SPAG16: variants seen among roughly 807,000 people sequenced by gnomAD.
SPAG16 encodes the protein sperm-associated antigen 16 protein.
Under a neutral mutation model 80.4 loss-of-function variants are expected in SPAG16, and 86 were observed. That is an observed-to-expected ratio of 1.07 (90% CI 0.90 to 1.28). The LOEUF (loss-of-function observed/expected upper bound fraction) is 1.28. Ranked by LOEUF, SPAG16 falls within the 50% of genes most tolerant of loss-of-function variation. The probability of loss-of-function intolerance (pLI) is 0.00; values close to 1 mark genes in which losing one functional copy is unlikely to be tolerated. For missense variants in SPAG16, 870 were observed against 765.3 expected (o/e 1.14, Z -1.61); for synonymous variants, 294 against 265.9 (o/e 1.11, Z -1.03).
intron 15 of SPAG16, among the ~76,000 whole-genome samples, chr2:214,352,233 A>T (rs528773204): frequency 2.0e-5 from 3 of 152,306 alleles, no homozygotes; most frequent in Non-Finnish European, 4.4e-5. Flanking sequence ...AGAGTATAGC[A>T]ATGAGTTAGT....
chr2:213,721,680 T>G (rs559272138), intron 10 of SPAG16, among the ~76,000 whole-genome samples: 1 of 152,050 alleles, frequency 6.6e-6, no homozygotes, highest in Non-Finnish European at 1.5e-5. Flanking sequence ...ATGTGTATTT[T>G]GTTCTCAGCA....
At chr2:213,869,263 AAAT>A (rs1280296798) in intron 11 of SPAG16, among the ~76,000 whole-genome samples, 15 of 24,378 alleles carry the variant, frequency 6.2e-4, no homozygotes, top group African/African-American at 8.6e-4. Context: ...CAAAAAAAAA[AAAT>A]ATATATATAT....
intron 13 of SPAG16, among the ~76,000 whole-genome samples, chr2:214,078,592 T>G (rs2051203602): frequency 6.6e-6 from 1 of 151,996 alleles, no homozygotes; most frequent in Admixed American, 6.6e-5. Context: ...TGTCTCTTAA[T>G]TGCAATTATC....
chr2:213,983,129 A>G (rs1229343911), intron 12 of SPAG16, among the ~76,000 whole-genome samples: 3 of 151,974 alleles, frequency 2.0e-5, no homozygotes, highest in African/African-American at 7.2e-5. Context: ...AAATTTTAAT[A>G]AAGGGATAAG....
At chr2:213,442,689 A>G (rs974304799) in intron 9 of SPAG16, among the ~76,000 whole-genome samples, 1 of 152,238 alleles carries the variant, frequency 6.6e-6, no homozygotes. Context: ...ATTTTCAAGA[A>G]AGGCTGCTGG....
At chr2:214,030,224 A>T (rs1260833214) in intron 13 of SPAG16, among the ~76,000 whole-genome samples, 1 of 152,180 alleles carries the variant, frequency 6.6e-6, no homozygotes, top group East Asian at 1.9e-4. Context: ...GGAATCACAC[A>T]GTATTTGCCT....
At chr2:214,108,298 T>C (rs1287249383) in intron 14 of SPAG16, 37 bp downstream of exon 14, 3 of 1,485,142 alleles carry the variant, frequency 2.0e-6, no homozygotes, top group African/African-American at 1.4e-5. Flanking sequence ...TTTTTAATGC[T>C]TCATATATAC....
At chr2:213,372,268 A>G (rs1236295482) in intron 8 of SPAG16, among the ~76,000 whole-genome samples, 1 of 152,106 alleles carries the variant, frequency 6.6e-6, no homozygotes, top group East Asian at 1.9e-4. Flanking sequence ...AATGATACAT[A>G]TAATTGCATT....
chr2:213,588,433 C>T (rs1213327404), intron 10 of SPAG16, among the ~76,000 whole-genome samples: 1 of 151,358 alleles, frequency 6.6e-6, no homozygotes, highest in Non-Finnish European at 1.5e-5. Flanking sequence ...AAAACACTAA[C>T]CACCTCATTT....
intron 10 of SPAG16, among the ~76,000 whole-genome samples, chr2:213,608,892 C>T (rs1324936465): frequency 1.3e-5 from 2 of 152,186 alleles, no homozygotes; most frequent in Non-Finnish European, 2.9e-5. Flanking sequence ...ACCGTGTTAG[C>T]CGGGATGGTC....
At position 214,230,059 on chromosome 2, in the gene SPAG16, G is replaced by A. The variant is rs545184970; in HGVS notation, c.1720+80793G>A. ...CAGATGGAGAAAAAATAGCTAAATC[G>A]GAATGATTTCCCTAAATTTTCAGTA... On this transcript the variant is annotated intron_variant, in intron 15 of 15. Transcript: ENST00000331683. Among the ~76,000 whole-genome samples, 11 of 151,546 alleles carry A rather than the reference G, an allele frequency of 7.3e-5. No homozygotes were observed. In the South Asian group the frequency reaches 1.9e-3, roughly 26 times the overall value.
intron 5 of SPAG16, among the ~76,000 whole-genome samples, chr2:213,338,234 A>G (rs888928175): frequency 1.3e-5 from 2 of 152,218 alleles, no homozygotes; most frequent in Admixed American, 1.3e-4. Flanking sequence ...TATGGAAGGG[A>G]AAAACCATTA....
At chr2:213,327,161 G>A (rs2063878597) in intron 5 of SPAG16, among the ~76,000 whole-genome samples, 1 of 18,298 alleles carries the variant, frequency 5.5e-5, no homozygotes, top group African/African-American at 1.1e-4. Context: ...TCTGTTTGCT[G>A]TGTTTTTTTT....
intron 9 of SPAG16, among the ~76,000 whole-genome samples, chr2:213,471,802 G>A (rs989315570): frequency 2.6e-5 from 4 of 152,172 alleles, no homozygotes; most frequent in African/African-American, 9.7e-5. Flanking sequence ...CCCATATGAG[G>A]AATGTCTTGC....
chr2:214,317,272 C>T (rs1418771570), intron 15 of SPAG16, among the ~76,000 whole-genome samples: 7 of 152,158 alleles, frequency 4.6e-5, no homozygotes, highest in East Asian at 1.9e-4. Flanking sequence ...TTCTGACTTC[C>T]GGCCTAATGT....
At chr2:214,168,353 G>C (rs551688455) in intron 15 of SPAG16, among the ~76,000 whole-genome samples, 5 of 151,986 alleles carry the variant, frequency 3.3e-5, no homozygotes, top group African/African-American at 1.2e-4. Flanking sequence ...ACAAAATAGT[G>C]CATGTTGTTT....
At chr2:213,428,863 G>A (rs955864393) in intron 9 of SPAG16, among the ~76,000 whole-genome samples, 12 of 151,992 alleles carry the variant, frequency 7.9e-5, no homozygotes, top group African/African-American at 2.7e-4. Context: ...AGGCTGAGGT[G>A]GGCAGGTCAC....
chr2:213,553,042 C>T (rs2076833142), intron 10 of SPAG16, among the ~76,000 whole-genome samples: 1 of 152,168 alleles, frequency 6.6e-6, no homozygotes, highest in African/African-American at 2.4e-5. Flanking sequence ...CTTCCTTGCT[C>T]CTCAGCTTGA....
chr2:213,788,631 A>G (rs1218959872), intron 10 of SPAG16, among the ~76,000 whole-genome samples: 1 of 151,952 alleles, frequency 6.6e-6, no homozygotes, highest in African/African-American at 2.4e-5. Flanking sequence ...GGAGCCTGAT[A>G]TGCTAAATTT....
Sources: gnomAD v4.1 joint callset for allele counts (sites outside exome capture counted in the v4.1 genomes callset) on GRCh38, gnomAD v4.1.1 for gene constraint, MANE v1.5 for transcripts, NCBI Gene and HGNC (gene_info 2026-07-23, HGNC 2026-07-21) for gene names.